Variants in CR1L observed in about 807,000 individuals in gnomAD.
The protein encoded by CR1L is complement component receptor 1-like protein.
In CR1L, 59 loss-of-function variants were observed where a neutral mutation model predicts 62.3. That is an observed-to-expected ratio of 0.95 (90% CI 0.77 to 1.18). The LOEUF (loss-of-function observed/expected upper bound fraction) is 1.18. Ranked by LOEUF, CR1L falls within the 50% of genes most tolerant of loss-of-function variation. The pLI is 0.00. For missense variants in CR1L, 700 were observed against 702.8 expected (o/e 1.00, Z 0.04); for synonymous variants, 279 against 248.7 (o/e 1.12, Z -1.15).
At chr1:207,660,557 A>G (rs1426038074) in intron 1 of CR1L, among the ~76,000 whole-genome samples, 1 of 152,196 alleles carries the variant, frequency 6.6e-6, no homozygotes, top group East Asian at 1.9e-4. Context: ...TAGTCTTGCT[A>G]GCAGTCTATC....
At chr1:207,705,795 CA>C (rs1268758427) in intron 9 of CR1L, among the ~76,000 whole-genome samples, 1 of 151,712 alleles carries the variant, frequency 6.6e-6, no homozygotes, top group Non-Finnish European at 1.5e-5. Flanking sequence ...TAAAAGAGAC[CA>C]ATTTTAAAAA....
chr1:207,704,196 A>T (rs1244186879), intron 9 of CR1L, among the ~76,000 whole-genome samples: 1 of 152,220 alleles, frequency 6.6e-6, no homozygotes, highest in Non-Finnish European at 1.5e-5. Context: ...GAGGTTCAAG[A>T]CTTCAGCGGA....
chr1:207,669,104 T>G, intron 1 of CR1L: 1 of 247,962 alleles, frequency 4.0e-6, no homozygotes, highest in Non-Finnish European at 7.9e-6. Flanking sequence ...TGTTTGGAGG[T>G]GAGTTGCCAT....
Position 207,717,618 on chromosome 1 carries a change from C to T in CR1L, c.1569C>T (p.Arg523=). The T allele has an allele frequency of 6.2e-7, 1 of 1,613,970 alleles. No individual in the cohort carries two copies. The highest frequency in any genetic ancestry group is 8.5e-7 in the Non-Finnish European group (1 of 1,179,886). Residue 523 remains arginine, a synonymous_variant, in exon 11 of 12, where the codon CGC becomes CGT. Coordinates refer to ENST00000508064, the MANE Select transcript of CR1L (RefSeq NM_175710.2). ...ACCTCATTGGGGAGAGCACCATCCG[C>T]CGCACAAGTGAACCTCATGGGAATG... ...TFNLIGESTI[R]RTSEPHGNGV... is the part of the protein sequence containing the mutation.
chr1:207,664,706 G>A (rs1663486745), intron 1 of CR1L, among the ~76,000 whole-genome samples: 1 of 152,174 alleles, frequency 6.6e-6, no homozygotes, highest in Non-Finnish European at 1.5e-5. Context: ...GAGAGCAGAG[G>A]AGAGAATTGC....
intron 4 of CR1L, among the ~76,000 whole-genome samples, chr1:207,693,637 T>C (rs1664028069): frequency 1.3e-5 from 2 of 152,222 alleles, no homozygotes; most frequent in Non-Finnish European, 2.9e-5. Context: ...ATCATGTTAT[T>C]ATATCAAACT....
intron 11 of CR1L, among the ~76,000 whole-genome samples, chr1:207,721,281 T>G (rs536606927): frequency 6.6e-6 from 1 of 151,810 alleles, no homozygotes; most frequent in East Asian, 1.9e-4. Flanking sequence ...CATGCTGGTG[T>G]GCTGCAACCA....
intron 2 of CR1L, 102 bp downstream of exon 2, chr1:207,677,670 T>G: frequency 7.3e-7 from 1 of 1,361,626 alleles, no homozygotes; most frequent in African/African-American, 1.4e-5. Flanking sequence ...AACAATTAGT[T>G]TGCTAAGGTG....
intron 1 of CR1L, among the ~76,000 whole-genome samples, chr1:207,660,390 G>C (rs1228799312): frequency 4.6e-5 from 7 of 152,222 alleles, no homozygotes; most frequent in Non-Finnish European, 1.0e-4. Flanking sequence ...CGCAAACAAG[G>C]TCTGGAGTGG....
intron 1 of CR1L, among the ~76,000 whole-genome samples, chr1:207,650,405 C>T (rs1663204565): frequency 6.6e-6 from 1 of 152,100 alleles, no homozygotes; most frequent in Non-Finnish European, 1.5e-5. Context: ...CAGTAGCTCT[C>T]ACGTTATCAA....
intron 9 of CR1L, among the ~76,000 whole-genome samples, chr1:207,702,064 T>C (rs1282685986): frequency 1.3e-5 from 2 of 152,154 alleles, no homozygotes; most frequent in African/African-American, 2.4e-5. Context: ...TTTTACAAAT[T>C]GAAGGCTTGT....
At position 207,678,142 on chromosome 1, in the gene CR1L, TAA is replaced by T; in HGVS notation, c.278-48_278-47del. On this transcript the variant is annotated intron_variant, in intron 2 of 11. Transcript: ENST00000508064. The stretch of plus-strand genomic sequence containing the variant: ...ATAGGCAGGTTGAGACCTTATGTAC[TAA>T]AAAAAAATTCAGTTTACTCTACTTG... The T allele has an allele frequency of 3.4e-6, 5 of 1,480,150 alleles. No homozygotes were observed. The Admixed American group carries it at 8.5e-5, about 25-fold the overall frequency. The allele number at this position is 1,480,150 out of a possible 1,614,324, so 91.7% of individuals were successfully genotyped here. A position where few individuals can be genotyped will look rare whatever the true frequency, so the allele number is the denominator to read the frequency against.
chr1:207,681,541 T>C (rs1428372827), intron 3 of CR1L, among the ~76,000 whole-genome samples: 2 of 152,228 alleles, frequency 1.3e-5, no homozygotes, highest in African/African-American at 4.8e-5. Context: ...GTTTAATAAA[T>C]TAAAATATTC....
intron 1 of CR1L, among the ~76,000 whole-genome samples, chr1:207,671,554 T>C (rs1309330394): frequency 6.6e-6 from 1 of 150,742 alleles, no homozygotes; most frequent in African/African-American, 2.5e-5. Context: ...GGGCAACTAC[T>C]GAAAAAAGTG....
At position 207,678,209 on chromosome 1, in the gene CR1L, C is replaced by T. The variant is rs72468037; in HGVS notation, c.289C>T (p.Arg97Cys). Residue 97 changes from arginine to cysteine, a missense_variant, in exon 3 of 12, where the codon CGT becomes TGT. Coordinates refer to ENST00000508064, the MANE Select transcript of CR1L (RefSeq NM_175710.2). ...AKDKCKRKSC[R>C]NPPDPVNGMA... ...TTTCTTTCCTGTAGGTAAATCATGT[C>T]GTAATCCTCCAGATCCTGTGAATGG... 83,324 of 1,612,008 alleles carry T rather than the reference C, an allele frequency of 0.052. 2,672 individuals are homozygous for T. Among genetic ancestry groups the T allele is most frequent in the South Asian group, 0.11 (10,028 of 90,938 alleles).
intron 3 of CR1L, among the ~76,000 whole-genome samples, chr1:207,683,553 C>T (rs917873805): frequency 6.6e-6 from 1 of 152,172 alleles, no homozygotes; most frequent in African/African-American, 2.4e-5. Context: ...ATATATATGA[C>T]AGCTTCCCTG....
chr1:207,662,367 A>T (rs1232741479), intron 1 of CR1L, among the ~76,000 whole-genome samples: 1 of 151,760 alleles, frequency 6.6e-6, no homozygotes, highest in East Asian at 1.9e-4. Flanking sequence ...TTTTTCTCTA[A>T]ACTTCTCTTC....
intron 1 of CR1L, among the ~76,000 whole-genome samples, chr1:207,675,733 G>A (rs1324600612): frequency 6.6e-6 from 1 of 152,164 alleles, no homozygotes; most frequent in Non-Finnish European, 1.5e-5. Context: ...CAAAACTAGA[G>A]TAAGATGCTA....
At chr1:207,647,815 G>T (rs1441867565) in intron 1 of CR1L, among the ~76,000 whole-genome samples, 1 of 152,158 alleles carries the variant, frequency 6.6e-6, no homozygotes, top group Admixed American at 6.5e-5. Flanking sequence ...CAGTACTTCA[G>T]TCTTGCATCT....
Sources: allele counts gnomAD v4.1 joint callset (sites outside exome capture counted in the v4.1 genomes callset), GRCh38; gene constraint gnomAD v4.1.1; transcripts MANE v1.5; gene names NCBI Gene and HGNC (gene_info 2026-07-23, HGNC 2026-07-21).